The following SCMH1 variants were observed in gnomAD, a reference collection of about 807,000 sequenced individuals.
SCMH1 encodes the protein Scm polycomb group protein homolog 1.
In SCMH1, 37 loss-of-function variants were observed where a neutral mutation model predicts 70.8. The observed-to-expected ratio is 0.52, with a 90% confidence interval of 0.40 to 0.69. SCMH1 has a LOEUF of 0.69. SCMH1 is among the 30% of genes least tolerant of loss of function. The pLI, the probability that SCMH1 is intolerant of heterozygous loss-of-function variation, is 0.00. For missense variants in SCMH1, 607 were observed against 827.3 expected (o/e 0.73, Z 3.27); for synonymous variants, 292 against 307.4 (o/e 0.95, Z 0.52).
intron 10 of SCMH1, among the ~76,000 whole-genome samples, chr1:41,057,981 G>T (rs1651041373): frequency 6.6e-6 from 1 of 151,876 alleles, no homozygotes; most frequent in South Asian, 2.1e-4. Flanking sequence ...AATTAGCCAG[G>T]TGTGGTGGCG....
chr1:41,142,741 G>T, intron 6 of SCMH1, 137 bp downstream of exon 6: 2 of 662,598 alleles, frequency 3.0e-6, no homozygotes, highest in Non-Finnish European at 5.2e-6. Flanking sequence ...GTTTCATTTT[G>T]GGTGGGCCTT....
At position 41,137,274 on chromosome 1, in the gene SCMH1, C is replaced by T. The variant is rs114197564; in HGVS notation, c.412+5604G>A. On this transcript the variant is annotated intron_variant, in intron 6 of 14. Coordinates refer to ENST00000337495, the Ensembl canonical transcript of SCMH1. ...AAGGCTATACATTTTCTTCTAAGTA[C>T]TGCTTTAATTATATCTCAAAATTCT... is the stretch of plus-strand genomic sequence containing the variant. Among the ~76,000 whole-genome samples the T allele has an allele frequency of 1.9e-3, 290 of 152,114 alleles. 2 individuals carry two copies. The highest frequency in any genetic ancestry group is 6.7e-3 in the African/African-American group (280 of 41,506).
chr1:41,073,966 T>C (rs549108667), intron 9 of SCMH1, among the ~76,000 whole-genome samples: 6 of 152,178 alleles, frequency 3.9e-5, no homozygotes, highest in Admixed American at 3.9e-4. Flanking sequence ...GGAACTCAGG[T>C]ATTCTTGTTC....
Position 41,033,614 on chromosome 1 carries a change from C to T in SCMH1, c.1678+3748G>A, listed in dbSNP as rs922196372. The stretch of plus-strand genomic sequence containing the variant: ...TTACTCTTCAAGGAGGGCTTGTTGT[C>T]TCAGTCTGAGCATGACTAAGGCAGT... On this transcript the variant is annotated intron_variant, in intron 13 of 14. Transcript: ENST00000337495. Among the ~76,000 whole-genome samples the T allele has an allele frequency of 4.6e-5, 7 of 152,296 alleles. 1 individual carries two copies. In the South Asian group the frequency reaches 1.2e-3, roughly 27 times the overall value.
intron 1 of SCMH1, among the ~76,000 whole-genome samples, chr1:41,188,885 C>T (rs960588811): frequency 1.3e-5 from 2 of 152,108 alleles, no homozygotes; most frequent in East Asian, 3.8e-4. Context: ...AAGAATACTT[C>T]CCCTAGAAAT....
chr1:41,209,189 A>C (rs999952071), intron 1 of SCMH1, among the ~76,000 whole-genome samples: 3 of 152,348 alleles, frequency 2.0e-5, no homozygotes, highest in Admixed American at 2.0e-4. Flanking sequence ...CTCTGAATAG[A>C]CCAATAACAG....
intron 2 of SCMH1, among the ~76,000 whole-genome samples, chr1:41,174,567 G>C (rs1000497359): frequency 2.6e-5 from 4 of 152,072 alleles, no homozygotes; most frequent in African/African-American, 7.2e-5. Context: ...GCTGGGTAAA[G>C]AATCATGAGG....
intron 5 of SCMH1, 98 bp from the exon 6 acceptor site, chr1:41,143,210 C>A: frequency 3.8e-6 from 3 of 784,850 alleles, no homozygotes; most frequent in Non-Finnish European, 6.3e-6. Flanking sequence ...CAGGGACAAC[C>A]AACTGAATTA....
At chr1:41,184,374 T>C (rs1649617040) in intron 2 of SCMH1, among the ~76,000 whole-genome samples, 1 of 152,154 alleles carries the variant, frequency 6.6e-6, no homozygotes, top group Non-Finnish European at 1.5e-5. Flanking sequence ...CAATGAAAGA[T>C]ATGTAATAGT....
chr1:41,048,835 C>T lies in SCMH1; in HGVS notation c.1161G>A (p.Lys387=), dbSNP rs776823395. Reference sequence around the variant, plus strand: ...CAAAATGGTCAGGGAGTTGCTGGACCTTCTTCTTATCTAAGTGGGGGCCTG... The same window carrying T: ...CAAAATGGTCAGGGAGTTGCTGGACTTTCTTCTTATCTAAGTGGGGGCCTG... Residue 387 remains lysine, a synonymous_variant, in exon 11 of 15, where the codon AAG becomes AAA. Coordinates refer to ENST00000337495, the Ensembl canonical transcript of SCMH1. The T allele has an allele frequency of 2.5e-6, 4 of 1,614,174 alleles. No homozygotes were observed. The East Asian group carries it at 8.9e-5, about 36-fold the overall frequency.
At chr1:41,161,129 C>A (rs1645989087) in intron 3 of SCMH1, among the ~76,000 whole-genome samples, 1 of 152,192 alleles carries the variant, frequency 6.6e-6, no homozygotes, top group South Asian at 2.1e-4. Flanking sequence ...GGCTAAGCAA[C>A]CGTGCCTAAA....
intron 3 of SCMH1, 71 bp from the exon 4 acceptor site, chr1:41,160,969 C>A: frequency 7.1e-7 from 1 of 1,409,750 alleles, no homozygotes; most frequent in South Asian, 1.2e-5. Flanking sequence ...AGGTGAAATT[C>A]TGGGGTAAAA....
At chr1:41,208,740 G>A (rs897190902) in intron 1 of SCMH1, among the ~76,000 whole-genome samples, 7 of 152,146 alleles carry the variant, frequency 4.6e-5, no homozygotes, top group African/African-American at 1.7e-4. Flanking sequence ...TGTGTTGAGG[G>A]AAATTTATAG....
At chr1:41,161,014 C>A in intron 3 of SCMH1, 116 bp from the exon 4 acceptor site, 1 of 1,099,848 alleles carries the variant, frequency 9.1e-7, no homozygotes, top group Non-Finnish European at 1.3e-6. Flanking sequence ...TCAGTTATCT[C>A]ATCCTAAAAG....
At chr1:41,039,965 TA>T (rs397734233) in intron 12 of SCMH1, among the ~76,000 whole-genome samples, 8 of 150,636 alleles carry the variant, frequency 5.3e-5, no homozygotes, top group Admixed American at 1.3e-4. Context: ...TTTTTTTTTT[TA>T]AAAAAAGGAG....
At chr1:41,230,378 A>G (rs531019904) in intron 1 of SCMH1, among the ~76,000 whole-genome samples, 1 of 152,266 alleles carries the variant, frequency 6.6e-6, no homozygotes, top group Admixed American at 6.5e-5. Flanking sequence ...TAATTTAACA[A>G]ATGATTCCCA....
chr1:41,172,517 A>T (rs990375814), intron 2 of SCMH1, among the ~76,000 whole-genome samples: 1 of 152,148 alleles, frequency 6.6e-6, no homozygotes, highest in Non-Finnish European at 1.5e-5. Context: ...ACCAAAAGTC[A>T]TCTATAGATT....
intron 1 of SCMH1, among the ~76,000 whole-genome samples, chr1:41,214,307 T>C (rs987444549): frequency 1.3e-5 from 2 of 152,136 alleles, no homozygotes; most frequent in Non-Finnish European, 1.5e-5. Flanking sequence ...CTTTAAATAA[T>C]GAGAGCAATG....
intron 8 of SCMH1, among the ~76,000 whole-genome samples, chr1:41,089,734 T>C (rs1340530327): frequency 6.7e-6 from 1 of 149,820 alleles, no homozygotes; most frequent in East Asian, 2.0e-4. Flanking sequence ...ATTATTTTTC[T>C]GACCTACTTC....
Sources: gnomAD v4.1 joint callset for allele counts (sites outside exome capture counted in the v4.1 genomes callset) on GRCh38, gnomAD v4.1.1 for gene constraint, MANE v1.5 for transcripts, NCBI Gene and HGNC (gene_info 2026-07-23, HGNC 2026-07-21) for gene names.